SLC10A7: variants seen among roughly 807,000 people sequenced by gnomAD.
SLC10A7 encodes solute carrier family 10 member 7, also known as sodium/bile acid cotransporter 7.
SLC10A7 carries 29 observed loss-of-function variants against 43.2 expected under a neutral mutation model. The ratio of observed to expected loss-of-function variants is 0.67; its 90% CI spans 0.50 to 0.92. The LOEUF is 0.92. Among genes scored for constraint, SLC10A7 ranks in the 40% least tolerant of loss-of-function variants. The pLI is 0.00. For missense variants in SLC10A7, 295 were observed against 403.2 expected, an observed-to-expected ratio of 0.73 and a Z score of 2.30; for synonymous variants, 152 against 144.8, an observed-to-expected ratio of 1.05 and a Z score of -0.35.
At chr4:146,333,546 AGAAGG>A (rs1374443063) in intron 5 of SLC10A7, among the ~76,000 whole-genome samples, 4 of 152,194 alleles carry the variant, frequency 2.6e-5, no homozygotes, top group Admixed American at 2.0e-4. Context: ...TCAGAACAGA[AGAAGG>A]GAAGGGAGAG....
chr4:146,436,025 A>G (rs1203973212), intron 5 of SLC10A7, among the ~76,000 whole-genome samples: 2 of 152,092 alleles, frequency 1.3e-5, no homozygotes, highest in East Asian at 3.8e-4. Flanking sequence ...ATTTCTTTAA[A>G]TGGTAATGAA....
chr4:146,286,485 A>AGTTTGGAGTGGTGAGAAGGACTGT (rs1578787781), intron 9 of SLC10A7, among the ~76,000 whole-genome samples: 3 of 121,828 alleles, frequency 2.5e-5, no homozygotes, highest in African/African-American at 3.0e-5. Context: ...AGAAGGACTG[A>AGTTTGGAGTGGTGAGAAGGACTGT]GTTTGGAGTG....
At chr4:146,519,374 TC>T (rs1738407678) in intron 1 of SLC10A7, among the ~76,000 whole-genome samples, 1 of 147,838 alleles carries the variant, frequency 6.8e-6, no homozygotes, top group African/African-American at 2.5e-5. Context: ...ACCTACTATG[TC>T]TTAGGCATTT....
intron 5 of SLC10A7, among the ~76,000 whole-genome samples, chr4:146,405,863 C>G (rs1236302595): frequency 1.3e-5 from 2 of 151,566 alleles, no homozygotes; most frequent in Non-Finnish European, 2.9e-5. Flanking sequence ...CAAGATGATG[C>G]CTAATTTTGC....
intron 2 of SLC10A7, among the ~76,000 whole-genome samples, chr4:146,510,795 C>A (rs1276349791): frequency 6.6e-6 from 1 of 152,186 alleles, no homozygotes; most frequent in African/African-American, 2.4e-5. Flanking sequence ...AACCTCTATT[C>A]ATTGCACCAA....
chr4:146,350,017 TA>T (rs1362987236), intron 5 of SLC10A7, among the ~76,000 whole-genome samples: 1 of 150,552 alleles, frequency 6.6e-6, no homozygotes, highest in African/African-American at 2.4e-5. Context: ...AATATATATA[TA>T]GGGGGAGGAG....
intron 5 of SLC10A7, among the ~76,000 whole-genome samples, chr4:146,378,152 T>C (rs1471713158): frequency 1.3e-5 from 2 of 152,200 alleles, no homozygotes; most frequent in Non-Finnish European, 2.9e-5. Context: ...GGTCTAGTGA[T>C]GACAACAAAG....
intron 6 of SLC10A7, among the ~76,000 whole-genome samples, chr4:146,320,135 T>C (rs1053813842): frequency 6.6e-6 from 1 of 152,020 alleles, no homozygotes; most frequent in African/African-American, 2.4e-5. Flanking sequence ...TAAAGGAAAG[T>C]AGTAGAATTT....
chr4:146,476,873 T>C (rs1382391062), intron 4 of SLC10A7, among the ~76,000 whole-genome samples: 1 of 151,982 alleles, frequency 6.6e-6, no homozygotes, highest in Non-Finnish European at 1.5e-5. Context: ...GGGAAGCCAG[T>C]AGCAGAAACA....
intron 10 of SLC10A7, among the ~76,000 whole-genome samples, chr4:146,276,235 T>A (rs1425163097): frequency 1.3e-5 from 2 of 152,176 alleles, no homozygotes; most frequent in Admixed American, 6.5e-5. Context: ...AGGTCTCTGG[T>A]TGATAGAGAT....
chr4:146,316,907 T>G (rs996326758), intron 6 of SLC10A7, among the ~76,000 whole-genome samples: 2 of 152,110 alleles, frequency 1.3e-5, no homozygotes, highest in African/African-American at 2.4e-5. Flanking sequence ...ATGTAACATT[T>G]GCTTGGCTCT....
At chr4:146,335,868 T>C (rs1019351177) in intron 5 of SLC10A7, among the ~76,000 whole-genome samples, 1 of 152,046 alleles carries the variant, frequency 6.6e-6, no homozygotes, top group African/African-American at 2.4e-5. Context: ...TTAAAATGGG[T>C]GAATCTGCTA....
At chr4:146,286,247 CA>C (rs1729927835) in intron 9 of SLC10A7, among the ~76,000 whole-genome samples, 15 of 15,938 alleles carry the variant, frequency 9.4e-4, no homozygotes, top group South Asian at 3.1e-3. Flanking sequence ...TGAGAAGGAT[CA>C]TGTTTGGAGT....
At chr4:146,414,366 C>CTATTCCTT (rs1393258239) in intron 5 of SLC10A7, among the ~76,000 whole-genome samples, 1 of 152,122 alleles carries the variant, frequency 6.6e-6, no homozygotes, top group East Asian at 1.9e-4. Context: ...AAGGCTTTTC[C>CTATTCCTT]ACAACCCTTC....
At chr4:146,411,173 T>C (rs1460474881) in intron 5 of SLC10A7, among the ~76,000 whole-genome samples, 1 of 152,088 alleles carries the variant, frequency 6.6e-6, no homozygotes. Context: ...CTGTTTTCCT[T>C]TTAAATATGT....
chr4:146,399,505 A>G (rs1739072337), intron 5 of SLC10A7, among the ~76,000 whole-genome samples: 1 of 125,032 alleles, frequency 8.0e-6, no homozygotes, highest in East Asian at 2.9e-4. Context: ...AGGTGGACCA[A>G]TTAGGGAATA....
intron 4 of SLC10A7, among the ~76,000 whole-genome samples, chr4:146,456,577 T>C (rs1732072701): frequency 1.3e-5 from 2 of 152,068 alleles, no homozygotes; most frequent in African/African-American, 2.4e-5. Context: ...CAAAGTGCCA[T>C]ACTTAACAAT....
chr4:146,454,405 G>A (rs541488235), intron 4 of SLC10A7, among the ~76,000 whole-genome samples: 4 of 151,834 alleles, frequency 2.6e-5, no homozygotes, highest in South Asian at 4.2e-4. Flanking sequence ...CTCCAGACAG[G>A]CAAAGGATCT....
In SLC10A7 at chr4:146,519,093, ATATATATATATATATATAT is replaced by A. The variant is rs1560991525; in HGVS notation, c.101-1992_101-1974del. On this transcript the variant is annotated intron_variant, in intron 1 of 11. Coordinates refer to ENST00000335472, the MANE Select transcript of SLC10A7 (RefSeq NM_001029998.6). ...TATATATATATATATATATATATATATATATATATATATATATATAATATAATATATAATTAATATATAT... is the reference window on the plus strand; with the variant it reads ...TATATATATATATATATATATATATAAATATAATATATAATTAATATATAT... 9.2e-3 allele frequency among the ~76,000 whole-genome samples: 1,046 copies of A among 114,054 alleles called. 67 individuals are homozygous for A. The highest frequency in any genetic ancestry group is 0.028 in the African/African-American group (803 of 29,114). The allele number at this position is 114,054 out of a possible 152,430, so 74.8% of individuals were successfully genotyped here.
Sources: gnomAD v4.1 joint callset for allele counts (sites outside exome capture counted in the v4.1 genomes callset) on GRCh38, gnomAD v4.1.1 for gene constraint, MANE v1.5 for transcripts, NCBI Gene and HGNC (gene_info 2026-07-23, HGNC 2026-07-21) for gene names.